BPIFC: variants seen among roughly 807,000 people sequenced by gnomAD.
BPIFC encodes the protein BPI fold-containing family C protein.
Under a neutral mutation model 57.6 loss-of-function variants are expected in BPIFC, and 60 were observed. The ratio of observed to expected loss-of-function variants is 1.04; its 90% CI spans 0.85 to 1.29. BPIFC has a LOEUF of 1.29. BPIFC is among the 50% of genes most tolerant of loss of function. The probability of loss-of-function intolerance (pLI) is 0.00; values close to 1 mark genes in which losing one functional copy is unlikely to be tolerated. For missense variants in BPIFC, 581 were observed against 600.5 expected (o/e 0.97, Z 0.34); for synonymous variants, 243 against 224.5 (o/e 1.08, Z -0.74).
At chr22:32,453,556 A>G (rs886446608) in intron 3 of BPIFC, 53 bp from the exon 4 acceptor site, 2 of 1,529,136 alleles carry the variant, frequency 1.3e-6, no homozygotes, top group Admixed American at 2.2e-5. Flanking sequence ...TAATAATAGC[A>G]TAATAACATT....
chr22:32,432,176 C>G (rs748814281), intron 12 of BPIFC, among the ~76,000 whole-genome samples, 197 bp downstream of exon 12: 3 of 151,914 alleles, frequency 2.0e-5, no homozygotes, highest in Non-Finnish European at 4.4e-5. Flanking sequence ...TAACTCCTGG[C>G]CTCAAGCAAT....
intron 13 of BPIFC, among the ~76,000 whole-genome samples, chr22:32,426,984 G>A (rs1414860130): frequency 6.6e-6 from 1 of 152,240 alleles, no homozygotes; most frequent in East Asian, 1.9e-4. Context: ...TGCAAATTAT[G>A]TAGCCAGCCC....
At chr22:32,448,841 G>A (rs1232431183) in intron 4 of BPIFC, among the ~76,000 whole-genome samples, 1 of 132,440 alleles carries the variant, frequency 7.6e-6, no homozygotes, top group African/African-American at 2.8e-5. Context: ...GGGAGGCTGA[G>A]GCAGGAGAAT....
In BPIFC at chr22:32,450,763, C is replaced by T. The variant is rs185859389; in HGVS notation, c.245+2620G>A. On this transcript the variant is annotated intron_variant, in intron 4 of 16. Coordinates refer to ENST00000300399, the MANE Select transcript of BPIFC (RefSeq NM_174932.3). ...GACATGATGCTCAAAGGAAATGCCC[C>T]TTGGAGCATTTTGGATTTTTGGATT... Among the ~76,000 whole-genome samples the T allele has an allele frequency of 3.1e-4, 47 of 152,140 alleles. 1 individual carries two copies. In the East Asian group the frequency reaches 6.4e-3, roughly 21 times the overall value.
rs769344447 is a variant in BPIFC at position 32,414,414 on chromosome 22, C to G, written c.1413G>C (p.Leu471Phe). 1 of 1,613,492 alleles carries G rather than the reference C, an allele frequency of 6.2e-7. No homozygotes were observed. The highest frequency in any genetic ancestry group is 1.1e-5 in the South Asian group (1 of 90,990). The change falls in exon 17 of 17, where the codon TTG becomes TTC. Residue 471 changes from leucine to phenylalanine, a missense_variant. Transcript: ENST00000300399. ...TTTCATACTTCAGGTCGGTGGAAAT[C>G]AAAAGGAAACCCTGGAAAGGATGTG... is the stretch of plus-strand genomic sequence containing the variant. ...SDIEVLEGFL[L>F]ISTDLKYETS... is the part of the protein sequence containing the mutation.
intron 8 of BPIFC, among the ~76,000 whole-genome samples, chr22:32,440,384 C>T (rs1934530933): frequency 6.6e-6 from 1 of 152,112 alleles, no homozygotes; most frequent in Non-Finnish European, 1.5e-5. Context: ...TCAAGCAATC[C>T]TCCCACCTTG....
At chr22:32,449,311 G>A (rs955933176) in intron 4 of BPIFC, among the ~76,000 whole-genome samples, 5 of 152,158 alleles carry the variant, frequency 3.3e-5, no homozygotes, top group African/African-American at 9.7e-5. Context: ...AGGTAGGGGC[G>A]GGGAGACAAA....
At chr22:32,450,161 C>T (rs1934855859) in intron 4 of BPIFC, among the ~76,000 whole-genome samples, 1 of 128,098 alleles carries the variant, frequency 7.8e-6, no homozygotes, top group Non-Finnish European at 1.6e-5. Flanking sequence ...CATATATACA[C>T]ACATATATAT....
rs769205694 is a variant in BPIFC, at chr22:32,423,242, C to A, written c.1218-3838G>T. On this transcript the variant is annotated intron_variant, in intron 13 of 16. Coordinates refer to ENST00000300399, the MANE Select transcript of BPIFC (RefSeq NM_174932.3). ...TGAACCCATTCCACTATTAAAGGAC[C>A]CTTTTGATGAGTAAGAGTTATCCAA... Among the ~76,000 whole-genome samples the A allele has an allele frequency of 2.6e-5, 4 of 152,178 alleles. No individual in the cohort carries two copies. The East Asian group carries it at 5.8e-4, about 22-fold the overall frequency.
Position 32,447,325 on chromosome 22 carries a change from G to A in BPIFC, c.261C>T (p.Ala87=), listed in dbSNP as rs28733723. ...NYNFSNIKIS[A]FSFPNTSLAF... ...CCAATGAGGTATTTGGAAATGAAAA[G>A]GCACTGATTTTTATACTGTAAAACC... Residue 87 remains alanine, a synonymous_variant, in exon 5 of 17, where the codon GCC becomes GCT. Transcript: ENST00000300399. 4.7e-3 allele frequency: 7,611 copies of A among 1,613,490 alleles called. 338 individuals are homozygous for A. In the African/African-American group the frequency reaches 0.092, roughly 19 times the overall value.
intron 12 of BPIFC, among the ~76,000 whole-genome samples, 161 bp downstream of exon 12, chr22:32,432,212 C>T (rs1398190219): frequency 6.6e-6 from 1 of 152,070 alleles, no homozygotes; most frequent in Non-Finnish European, 1.5e-5. Context: ...TCCCAAGACA[C>T]TGGAATTATA....
At chr22:32,416,962 A>T in intron 15 of BPIFC, 123 bp downstream of exon 15, 2 of 932,302 alleles carry the variant, frequency 2.1e-6, no homozygotes, top group Non-Finnish European at 3.6e-6. Context: ...GCCTGGATTC[A>T]TGATAACATG....
At position 32,433,067 on chromosome 22, in the gene BPIFC, G is replaced by A. The variant is rs1372204329; in HGVS notation, c.979-524C>T. On this transcript the variant is annotated intron_variant, in intron 11 of 16. Coordinates refer to ENST00000300399, the MANE Select transcript of BPIFC (RefSeq NM_174932.3). ...AAAATAGAAAAATTAGCTGGGCATA[G>A]TGGCTTGTGCCTGTAGTCCCAGCTA... Among the ~76,000 whole-genome samples, 6 of 152,198 alleles carry A rather than the reference G, an allele frequency of 3.9e-5. 1 individual carries two copies. Among genetic ancestry groups the A allele is most frequent in the Non-Finnish European group, 8.8e-5 (6 of 68,038 alleles).
chr22:32,429,064 G>A (rs9621442), intron 13 of BPIFC, among the ~76,000 whole-genome samples: 2 of 151,896 alleles, frequency 1.3e-5, no homozygotes, highest in South Asian at 2.1e-4. Context: ...TTCCTCTTCC[G>A]GATGCAAAGC....
At chr22:32,457,531 A>G (rs1935066357) in intron 2 of BPIFC, 145 bp from the exon 3 acceptor site, 2 of 839,568 alleles carry the variant, frequency 2.4e-6, no homozygotes, top group Non-Finnish European at 3.6e-6. Flanking sequence ...TCATCCATCC[A>G]TCCATCCATC....
At chr22:32,450,123 C>G (rs960748030) in intron 4 of BPIFC, among the ~76,000 whole-genome samples, 2 of 86,708 alleles carry the variant, frequency 2.3e-5, no homozygotes, top group Non-Finnish European at 4.5e-5. Flanking sequence ...CACACACACA[C>G]ACACACACAC....
intron 10 of BPIFC, among the ~76,000 whole-genome samples, chr22:32,434,752 C>G (rs1351638062): frequency 6.6e-6 from 1 of 152,136 alleles, no homozygotes; most frequent in Non-Finnish European, 1.5e-5. Context: ...TGCTGCCATA[C>G]TTACCATTCT....
chr22:32,451,790 TC>T (rs1934902354), intron 4 of BPIFC, among the ~76,000 whole-genome samples: 2 of 152,356 alleles, frequency 1.3e-5, no homozygotes, highest in South Asian at 4.1e-4. Context: ...TCCTGTACTT[TC>T]TGCTGTGGCA....
rs74653544 is a variant in BPIFC at position 32,417,877 on chromosome 22, A to T, written c.1261-729T>A. Among the ~76,000 whole-genome samples, 820 of 150,608 alleles carry T rather than the reference A, an allele frequency of 5.4e-3. 4 individuals carry two copies. The highest frequency in any genetic ancestry group is 8.1e-3 in the Non-Finnish European group (549 of 67,548). The stretch of plus-strand genomic sequence containing the variant: ...ATTTTTCTTTTTTTTTTATTTAAAA[A>T]TTTTTTTTTTGAGATGGAGGCTCAC... On this transcript the variant is annotated intron_variant, in intron 14 of 16. Coordinates refer to ENST00000300399, the MANE Select transcript of BPIFC (RefSeq NM_174932.3).
Sources: gnomAD v4.1 joint callset for allele counts (sites outside exome capture counted in the v4.1 genomes callset) on GRCh38, gnomAD v4.1.1 for gene constraint, MANE v1.5 for transcripts, NCBI Gene and HGNC (gene_info 2026-07-23, HGNC 2026-07-21) for gene names.